The following MGA variants were observed in gnomAD, a reference collection of about 807,000 sequenced individuals.
MGA encodes MAX gene-associated protein.
MGA carries 40 observed loss-of-function variants against 261.1 expected under a neutral mutation model. The observed-to-expected ratio is 0.15, with a 90% CI of 0.12 to 0.20. The LOEUF is 0.20. MGA is among the 10% of genes least tolerant of loss of function. The probability of loss-of-function intolerance (pLI) is 1.00; values close to 1 mark genes in which losing one functional copy is unlikely to be tolerated. For missense variants in MGA, 3,397 were observed against 3,630.5 expected, an observed-to-expected ratio of 0.94 and a Z score of 1.65; for synonymous variants, 1,302 against 1,290.6, an observed-to-expected ratio of 1.01 and a Z score of -0.19.
chr15:41,651,691 TCTTA>T (rs2057055365), intron 1 of MGA, among the ~76,000 whole-genome samples: 1 of 10,512 alleles, frequency 9.5e-5, no homozygotes, highest in Non-Finnish European at 2.5e-4. Context: ...CTTTCCCCTC[TCTTA>T]CCCCTTCCCC....
At position 41,702,322 on chromosome 15, in the gene MGA, CAA is replaced by C. The variant is rs10713634; in HGVS notation, c.2188+3178_2188+3179del. On this transcript the variant is annotated intron_variant, in intron 5 of 23. Coordinates refer to ENST00000219905, the MANE Select transcript of MGA (RefSeq NM_001164273.2). ...TGGGCGACACAGTGAGACATTGTCT[CAA>C]AAAAAAAAAAAAAAGCTGGACTTAA... Among the ~76,000 whole-genome samples the C allele has an allele frequency of 3.4e-3, 440 of 127,584 alleles. 1 individual carries two copies. Among genetic ancestry groups the C allele is most frequent in the African/African-American group, 4.6e-3 (148 of 31,952 alleles). 83.7% of individuals were successfully genotyped at this position (127,584 alleles called of 152,430 possible).
At chr15:41,759,293 A>G (rs2063319193) in intron 19 of MGA, among the ~76,000 whole-genome samples, 2 of 152,184 alleles carry the variant, frequency 1.3e-5, no homozygotes, top group Non-Finnish European at 2.9e-5. Context: ...GAAAATGGAA[A>G]AAAATAAGCT....
upstream of MGA, among the ~76,000 whole-genome samples, chr15:41,656,792 G>T (rs752429353): frequency 1.4e-4 from 22 of 152,132 alleles, no homozygotes; most frequent in South Asian, 2.1e-4. Context: ...TAAGAGACAG[G>T]GTTGGGGGGT....
Position 41,736,284 on chromosome 15 carries a change from A to C in MGA, c.4020A>C (p.Ser1340=). The C allele has an allele frequency of 1.2e-6, 2 of 1,614,040 alleles. No individual in the cohort carries two copies. The highest frequency in any genetic ancestry group is 1.7e-6 in the Non-Finnish European group (2 of 1,179,892). Residue 1340 remains serine, a synonymous_variant, in exon 13 of 24, where the codon TCA becomes TCC. Coordinates refer to ENST00000219905, the MANE Select transcript of MGA (RefSeq NM_001164273.2). ...CCACCAAACTGATTGAGATCATCTC[A>C]GACTGCAACTGGGAGGAAGATCGGA...
chr15:41,722,046 T>C (rs1193740277), intron 9 of MGA, among the ~76,000 whole-genome samples: 1 of 151,662 alleles, frequency 6.6e-6, no homozygotes, highest in Non-Finnish European at 1.5e-5. Context: ...TTTACAAATA[T>C]AATGTTGAAG....
chr15:41,636,805 C>G (rs899614799), intron 1 of MGA, among the ~76,000 whole-genome samples: 1 of 152,178 alleles, frequency 6.6e-6, no homozygotes, highest in Non-Finnish European at 1.5e-5. Context: ...CCTACCTCAG[C>G]CTCCCAAAGT....
chr15:41,734,319 G>C (rs936179778), intron 11 of MGA, among the ~76,000 whole-genome samples: 2 of 152,074 alleles, frequency 1.3e-5, no homozygotes, highest in Non-Finnish European at 2.9e-5. Context: ...TCACTATCAA[G>C]GACATTAGGT....
In MGA at chr15:41,734,507, T is replaced by A; in HGVS notation, c.3844-15T>A. On this transcript the variant is annotated splice_polypyrimidine_tract_variant and intron_variant, in intron 11 of 23. Transcript: ENST00000219905. Reference sequence around the variant, plus strand: ...ATGTTAAGTTAAAGTATTTCTGTGTTACTGTCTCCTTCAGGAACCTGATTC... The same window carrying A: ...ATGTTAAGTTAAAGTATTTCTGTGTAACTGTCTCCTTCAGGAACCTGATTC... The A allele has an allele frequency of 6.3e-7, 1 of 1,594,928 alleles. No homozygotes were observed. Among genetic ancestry groups the A allele is most frequent in the Non-Finnish European group, 8.6e-7 (1 of 1,166,626 alleles).
chr15:41,729,450 A>C, intron 11 of MGA, 101 bp downstream of exon 11: 1 of 1,165,438 alleles, frequency 8.6e-7, no homozygotes, highest in Non-Finnish European at 1.2e-6. Context: ...TACAGGGCAG[A>C]GAAGTCATAC....
At chr15:41,745,372 C>A (rs2577947) in intron 15 of MGA, among the ~76,000 whole-genome samples, 1 of 148,074 alleles carries the variant, frequency 6.8e-6, no homozygotes. Flanking sequence ...TAAAGAAATA[C>A]ACTGGAAACT....
intron 1 of MGA, among the ~76,000 whole-genome samples, chr15:41,624,700 C>T (rs1020131324): frequency 1.3e-5 from 2 of 152,188 alleles, no homozygotes; most frequent in Non-Finnish European, 2.9e-5. Flanking sequence ...GAACTCCTCA[C>T]TTCAGGTTTT....
Position 41,749,507 on chromosome 15 carries a change from A to G in MGA, c.5900A>G (p.Gln1967Arg). 1 of 1,614,016 alleles carries G rather than the reference A, an allele frequency of 6.2e-7. No individual in the cohort carries two copies. ...ATTCTTCAGCATGTTGCTTCCCTTC[A>G]GATGAAGAGAGAATCTCAGAATCCA... The change falls in exon 17 of 24, where the codon CAG (glutamine) becomes CGG (arginine). Residue 1967 changes from glutamine to arginine, a missense_variant. Physicochemically the swap from Gln to Arg is conservative, Grantham distance 43 (BLOSUM62 1). This residue lies in a region of MGA where 1,410 missense variants were observed against 1,386.4 expected (regional missense o/e 1.02). Coordinates refer to ENST00000219905, the MANE Select transcript of MGA (RefSeq NM_001164273.2).
chr15:41,674,739 C>T (rs901666516), intron 2 of MGA, among the ~76,000 whole-genome samples: 2 of 151,982 alleles, frequency 1.3e-5, no homozygotes, highest in Non-Finnish European at 2.9e-5. Flanking sequence ...AGGATGGTCT[C>T]GATCTCTTGA....
At position 41,743,029 on chromosome 15, in the gene MGA, TTGCTTCCAC is replaced by T. The variant is rs1258685577; in HGVS notation, c.5079_5087del (p.Ala1694_Thr1696del). Reference sequence around the variant, plus strand: ...TCTCCTTCAACCATAACTCTTCCTGTTGCTTCCACTGCTTCCACCTCCTTAGTCGTGGTG... The same window carrying T: ...TCTCCTTCAACCATAACTCTTCCTGTTGCTTCCACCTCCTTAGTCGTGGTG... On this transcript the variant is annotated inframe_deletion, in exon 15 of 24. Coordinates refer to ENST00000219905, the MANE Select transcript of MGA (RefSeq NM_001164273.2). 6.2e-7 allele frequency: 1 copy of T among 1,613,894 alleles called. No individual in the cohort carries two copies. The highest frequency in any genetic ancestry group is 1.3e-5 in the African/African-American group (1 of 74,920).
At chr15:41,624,404 C>T (rs537324314) in intron 1 of MGA, among the ~76,000 whole-genome samples, 9 of 151,658 alleles carry the variant, frequency 5.9e-5, no homozygotes, top group Non-Finnish European at 7.4e-5. Flanking sequence ...GACTATGCCG[C>T]CGCCACCACG....
Position 41,768,234 on chromosome 15 carries a change from G to A in MGA, c.*954G>A, listed in dbSNP as rs999683018. 6.6e-6 allele frequency: 1 copy of A among 152,626 alleles called. No homozygotes were observed. Among genetic ancestry groups the A allele is most frequent in the African/African-American group, 2.4e-5 (1 of 41,438 alleles). The allele number at this position is 152,626 out of a possible 1,614,324, so 9.5% of individuals were successfully genotyped here. A position where few individuals can be genotyped will look rare whatever the true frequency, so the allele number is the denominator to read the frequency against. On this transcript the variant is annotated 3_prime_UTR_variant, in exon 24 of 24. Coordinates refer to ENST00000219905, the MANE Select transcript of MGA (RefSeq NM_001164273.2). ...CACTATTACCTGCACAGGATGTAAA[G>A]AAAAGTCACAGTAGGCACTCTTTAC...
At chr15:41,690,568 C>G (rs1229688098) in intron 2 of MGA, among the ~76,000 whole-genome samples, 1 of 152,104 alleles carries the variant, frequency 6.6e-6, no homozygotes, top group Non-Finnish European at 1.5e-5. Context: ...CAATATCACA[C>G]TGTTGACTGG....
intron 7 of MGA, 133 bp downstream of exon 7, chr15:41,708,341 G>C (rs1648087991): frequency 2.8e-6 from 2 of 706,148 alleles, no homozygotes; most frequent in South Asian, 2.1e-5. Flanking sequence ...TGTTGAGACT[G>C]AGTTTTGCTC....
chr15:41,723,047 G>A (rs200345305), intron 9 of MGA, among the ~76,000 whole-genome samples: 2 of 152,156 alleles, frequency 1.3e-5, no homozygotes, highest in Non-Finnish European at 2.9e-5. Flanking sequence ...ATATTAGGAG[G>A]CATTTCAGTA....
Sources: gnomAD v4.1 joint callset for allele counts (sites outside exome capture counted in the v4.1 genomes callset) on GRCh38, gnomAD v4.1.1 for gene constraint, gnomAD v4.1.1 regional missense constraint, MANE v1.5 for transcripts, NCBI Gene and HGNC (gene_info 2026-07-23, HGNC 2026-07-21) for gene names.